The following CCDC60 variants were observed in gnomAD, a reference collection of about 807,000 sequenced individuals.
The protein encoded by CCDC60 is coiled-coil domain-containing protein 60.
Under a neutral mutation model 63.5 loss-of-function variants are expected in CCDC60, and 54 were observed. That is an observed-to-expected ratio of 0.85 (90% CI 0.68 to 1.07). CCDC60 has a LOEUF of 1.07. Ranked by LOEUF, CCDC60 falls within the 50% of genes least tolerant of loss-of-function variation. The pLI, the probability that CCDC60 is intolerant of heterozygous loss-of-function variation, is 0.00. For synonymous variants in CCDC60, 206 were observed against 238.8 expected (o/e 0.86, Z 1.27); for missense variants, 651 against 684.3 (o/e 0.95, Z 0.54).
At chr12:119,414,481 T>C (rs1335057003) in intron 1 of CCDC60, among the ~76,000 whole-genome samples, 1 of 152,240 alleles carries the variant, frequency 6.6e-6, no homozygotes, top group East Asian at 1.9e-4. Flanking sequence ...ATGGGAAGAC[T>C]GAATTTTCAG....
At position 119,462,668 on chromosome 12, in the gene CCDC60, C is replaced by T. The variant is rs371020299; in HGVS notation, c.171-9326C>T. ...AGACAGGATTTCACTGTCACCCATGCTGGAATGCAATGGCATGGTCATAGC... is the reference window on the plus strand; with the variant it reads ...AGACAGGATTTCACTGTCACCCATGTTGGAATGCAATGGCATGGTCATAGC... On this transcript the variant is annotated intron_variant, in intron 2 of 13. Coordinates refer to ENST00000327554, the MANE Select transcript of CCDC60 (RefSeq NM_178499.5). Among the ~76,000 whole-genome samples, 15 of 152,228 alleles carry T rather than the reference C, an allele frequency of 9.9e-5. No individual in the cohort carries two copies. In the East Asian group the frequency reaches 2.9e-3, roughly 29 times the overall value.
At position 119,499,947 on chromosome 12, in the gene CCDC60, AGAG is replaced by A. The variant is rs924033085; in HGVS notation, c.558-127_558-125del. 1.5e-4 allele frequency: 108 copies of A among 733,962 alleles called. No homozygotes were observed. The Middle Eastern group carries it at 1.5e-3, about 10-fold the overall frequency. 45.5% of individuals were successfully genotyped at this position (733,962 alleles called of 1,614,324 possible). Reference sequence around the variant, plus strand: ...CTATCCCCCCCATTTCTTCACAAGTAGAGGAGTGGGGGAGGAAATCCTAACAGA... The same window carrying A: ...CTATCCCCCCCATTTCTTCACAAGTAGAGTGGGGGAGGAAATCCTAACAGA... On this transcript the variant is annotated intron_variant, in intron 5 of 13. Transcript: ENST00000327554.
chr12:119,534,451 T>C (rs1952944220), intron 13 of CCDC60, among the ~76,000 whole-genome samples: 1 of 152,176 alleles, frequency 6.6e-6, no homozygotes, highest in South Asian at 2.1e-4. Context: ...TCCAACACTA[T>C]GTTGAATAGG....
At position 119,363,453 on chromosome 12, in the gene CCDC60, G is replaced by A. The variant is rs185246238; in HGVS notation, c.90+28187G>A. 7.1e-3 allele frequency among the ~76,000 whole-genome samples: 1,074 copies of A among 151,728 alleles called. 7 individuals carry two copies. The highest frequency in any genetic ancestry group is 0.014 in the Middle Eastern group (4 of 292). ...TGTGTGTGTGTGTGTGTGTATTCACGAAGTGCCTTTTTATTCCTTTAATGG... is the reference window on the plus strand; with the variant it reads ...TGTGTGTGTGTGTGTGTGTATTCACAAAGTGCCTTTTTATTCCTTTAATGG... On this transcript the variant is annotated intron_variant, in intron 1 of 13. Coordinates refer to ENST00000327554, the MANE Select transcript of CCDC60 (RefSeq NM_178499.5).
chr12:119,536,450 C>T lies in CCDC60; in HGVS notation c.1552-4164C>T, dbSNP rs144531064. On this transcript the variant is annotated intron_variant, in intron 13 of 13. Transcript: ENST00000327554. ...ATATTGCTATGTGTGAATTTGATCC[C>T]GTCATTATGATGTTAGCTGGTTATT... Among the ~76,000 whole-genome samples, 661 of 152,116 alleles carry T rather than the reference C, an allele frequency of 4.3e-3. 7 individuals carry two copies. Among genetic ancestry groups the T allele is most frequent in the African/African-American group, 0.015 (605 of 41,508 alleles).
chr12:119,421,459 A>G (rs1956811731), intron 1 of CCDC60, among the ~76,000 whole-genome samples: 1 of 152,192 alleles, frequency 6.6e-6, no homozygotes, highest in African/African-American at 2.4e-5. Context: ...ATGTCACTTG[A>G]CCATGAGTTC....
chr12:119,443,662 C>A (rs1023212429), intron 2 of CCDC60, among the ~76,000 whole-genome samples: 1 of 152,224 alleles, frequency 6.6e-6, no homozygotes, highest in African/African-American at 2.4e-5. Context: ...AATTTCCTCA[C>A]GGCTCTATTC....
intron 10 of CCDC60, among the ~76,000 whole-genome samples, chr12:119,523,422 A>C (rs539639534): frequency 2.0e-5 from 3 of 152,198 alleles, no homozygotes; most frequent in Non-Finnish European, 4.4e-5. Flanking sequence ...TCCCGTCCTT[A>C]ACATTTGCTG....
intron 11 of CCDC60, among the ~76,000 whole-genome samples, chr12:119,524,721 C>CTTTTTTTTTTTTTTTTTTTT (rs55694840): frequency 1.0e-3 from 100 of 99,000 alleles, no homozygotes; most frequent in East Asian, 2.3e-3. Flanking sequence ...CTTTTCTTTT[C>CTTTTTTTTTTTTTTTTTTTT]TTTTTTTTTT....
At chr12:119,524,177 T>C (rs1952613771) in intron 11 of CCDC60, among the ~76,000 whole-genome samples, 1 of 152,042 alleles carries the variant, frequency 6.6e-6, no homozygotes, top group Non-Finnish European at 1.5e-5. Flanking sequence ...GAAGGTGGAA[T>C]GACATTCCAG....
chr12:119,472,152 A>T lies in CCDC60; in HGVS notation c.329A>T (p.Asp110Val). 1 of 1,614,046 alleles carries T rather than the reference A, an allele frequency of 6.2e-7. No homozygotes were observed. Among genetic ancestry groups the T allele is most frequent in the Non-Finnish European group, 8.5e-7 (1 of 1,179,978 alleles). The stretch of plus-strand genomic sequence containing the variant: ...AAGATCTCAGAAATCCACTATGGGG[A>T]CACCTTATTGAGGTAAGTGGATGCA... ...AEKISEIHYG[D>V]TLLSTYDDEK... The change falls in exon 3 of 14, where the codon GAC becomes GTC. Residue 110 changes from aspartate (D) to valine (V), a missense_variant. Transcript: ENST00000327554.
At chr12:119,471,691 T>C (rs914323902) in intron 2 of CCDC60, among the ~76,000 whole-genome samples, 10 of 152,078 alleles carry the variant, frequency 6.6e-5, no homozygotes, top group African/African-American at 2.4e-4. Context: ...GTGGGAAGGC[T>C]CCTGCCCTGC....
chr12:119,433,162 A>AGTCG (rs5801340), intron 2 of CCDC60, among the ~76,000 whole-genome samples: 129,540 of 151,736 alleles, frequency 0.85, 55,481 homozygotes, highest in East Asian at 1. Flanking sequence ...CCCGACAGAG[A>AGTCG]GTTGTTAAAC....
chr12:119,378,608 T>A (rs1955978141), intron 1 of CCDC60, among the ~76,000 whole-genome samples: 1 of 152,218 alleles, frequency 6.6e-6, no homozygotes, highest in African/African-American at 2.4e-5. Context: ...ATAGAGCTAA[T>A]AAGCATCAGG....
At position 119,483,741 on chromosome 12, in the gene CCDC60, G is replaced by A. The variant is rs570516864; in HGVS notation, c.449+4540G>A. Among the ~76,000 whole-genome samples, 227 of 152,302 alleles carry A rather than the reference G, an allele frequency of 1.5e-3. 2 individuals carry two copies. The highest frequency in any genetic ancestry group is 3.1e-3 in the Admixed American group (48 of 15,294). On this transcript the variant is annotated intron_variant, in intron 4 of 13. Transcript: ENST00000327554. Reference sequence around the variant, plus strand: ...TCAGGTGTGCTGACTGCTGGCACTCGCCCGGAGTTCTGAGCTCAGGGACTT... The same window carrying A: ...TCAGGTGTGCTGACTGCTGGCACTCACCCGGAGTTCTGAGCTCAGGGACTT...
intron 1 of CCDC60, among the ~76,000 whole-genome samples, chr12:119,398,082 G>A (rs1335541919): frequency 3.9e-5 from 4 of 102,380 alleles, no homozygotes; most frequent in Admixed American, 1.9e-4. Context: ...GGAAGGGGCC[G>A]CGGGGGGAGG....
chr12:119,487,887 A>G (rs576082798), intron 4 of CCDC60, among the ~76,000 whole-genome samples: 1 of 152,112 alleles, frequency 6.6e-6, no homozygotes, highest in Non-Finnish European at 1.5e-5. Flanking sequence ...TGTCACCCAG[A>G]CTGGCATGCA....
chr12:119,476,396 AG>A (rs1951179212), intron 3 of CCDC60, among the ~76,000 whole-genome samples: 2 of 152,244 alleles, frequency 1.3e-5, no homozygotes, highest in Non-Finnish European at 2.9e-5. Flanking sequence ...AAAAGGTCAC[AG>A]CAAGGTATTT....
chr12:119,337,574 G>T lies in CCDC60; in HGVS notation c.90+2308G>T, dbSNP rs192521712. On this transcript the variant is annotated intron_variant, in intron 1 of 13. Coordinates refer to ENST00000327554, the MANE Select transcript of CCDC60 (RefSeq NM_178499.5). ...GCACACTTTAGGTTTTAGTTCTATT[G>T]TTATTTCATTTATTTAGTAAACATT... 4.6e-5 allele frequency among the ~76,000 whole-genome samples: 7 copies of T among 152,298 alleles called. No individual in the cohort carries two copies. In the East Asian group the frequency reaches 1.2e-3, roughly 25 times the overall value.
Sources: allele counts gnomAD v4.1 joint callset (sites outside exome capture counted in the v4.1 genomes callset), GRCh38; gene constraint gnomAD v4.1.1; transcripts MANE v1.5; gene names NCBI Gene and HGNC (gene_info 2026-07-23, HGNC 2026-07-21).